Variants in ASXL3 observed in about 807,000 individuals in gnomAD.
ASXL3 encodes ASXL transcriptional regulator 3, also known as putative Polycomb group protein ASXL3.
Under a neutral mutation model 170.6 loss-of-function variants are expected in ASXL3, and 34 were observed. The ratio of observed to expected loss-of-function variants is 0.20; its 90% CI spans 0.15 to 0.27. ASXL3 has a LOEUF of 0.27. Ranked by LOEUF, ASXL3 falls within the 10% of genes least tolerant of loss-of-function variation. The pLI is 1.00. For missense variants in ASXL3, 2,592 were observed against 2,695.3 expected (o/e 0.96, Z 0.85); for synonymous variants, 1,002 against 989.1 (o/e 1.01, Z -0.24).
intron 2 of ASXL3, chr18:33,608,951 T>G (rs1281068432): frequency 4.6e-6 from 4 of 873,994 alleles, no homozygotes; most frequent in East Asian, 1.2e-4. Context: ...TATGCTCAAA[T>G]TTTCATTTTT....
intron 2 of ASXL3, among the ~76,000 whole-genome samples, chr18:33,619,066 T>C (rs934406289): frequency 3.9e-5 from 6 of 152,124 alleles, no homozygotes; most frequent in Non-Finnish European, 7.4e-5. Context: ...TAAATTACCT[T>C]GAAACAAAAG....
At chr18:33,668,920 CAAACT>C (rs968572005) in intron 5 of ASXL3, among the ~76,000 whole-genome samples, 27 of 151,934 alleles carry the variant, frequency 1.8e-4, no homozygotes, top group Non-Finnish European at 7.4e-5. Context: ...CACACACACA[CAAACT>C]ATTTTTAAAA....
At chr18:33,672,013 A>C (rs1338403495) in intron 7 of ASXL3, 147 bp downstream of exon 7, 2 of 867,474 alleles carry the variant, frequency 2.3e-6, no homozygotes, top group African/African-American at 3.4e-5. Context: ...AAGAATGCTA[A>C]ATAAGGAAAC....
chr18:33,715,995 C>G (rs955060821), intron 8 of ASXL3, among the ~76,000 whole-genome samples: 1 of 152,146 alleles, frequency 6.6e-6, no homozygotes, highest in Admixed American at 6.5e-5. Context: ...GTTTGAGTGT[C>G]AGTCATGTCA....
intron 2 of ASXL3, among the ~76,000 whole-genome samples, chr18:33,640,223 A>G (rs756353525): frequency 6.6e-6 from 1 of 151,992 alleles, no homozygotes; most frequent in Non-Finnish European, 1.5e-5. Flanking sequence ...TTTGTATTGG[A>G]ATTATTCAGC....
At chr18:33,651,713 G>T (rs568226618) in intron 4 of ASXL3, among the ~76,000 whole-genome samples, 1 of 152,112 alleles carries the variant, frequency 6.6e-6, no homozygotes, top group African/African-American at 2.4e-5. Flanking sequence ...TGAGAAGAAA[G>T]TATTTTGTAA....
chr18:33,656,355 A>T (rs1017867893), intron 4 of ASXL3, among the ~76,000 whole-genome samples: 3 of 152,096 alleles, frequency 2.0e-5, no homozygotes, highest in African/African-American at 7.2e-5. Flanking sequence ...ACTTACAGAA[A>T]TGAAATTGGT....
chr18:33,652,632 G>C (rs1490921489), intron 4 of ASXL3, among the ~76,000 whole-genome samples: 1 of 116,256 alleles, frequency 8.6e-6, no homozygotes, highest in East Asian at 3.2e-4. Context: ...TGAATCTTAT[G>C]TTTTAGACCT....
At chr18:33,712,874 G>A (rs938464898) in intron 8 of ASXL3, among the ~76,000 whole-genome samples, 6 of 152,114 alleles carry the variant, frequency 3.9e-5, no homozygotes, top group African/African-American at 1.2e-4. Flanking sequence ...CAGTGCATCC[G>A]TGGGAGTTTG....
At chr18:33,711,305 G>A (rs964611078) in intron 8 of ASXL3, among the ~76,000 whole-genome samples, 4 of 152,046 alleles carry the variant, frequency 2.6e-5, no homozygotes, top group African/African-American at 9.7e-5. Flanking sequence ...ATGCAAATTT[G>A]ATGAATATTC....
intron 8 of ASXL3, among the ~76,000 whole-genome samples, chr18:33,696,467 C>T (rs923090473): frequency 3.9e-5 from 6 of 152,024 alleles, no homozygotes; most frequent in Admixed American, 2.0e-4. Context: ...AGGGGAAGAA[C>T]GCCATCCAGA....
intron 8 of ASXL3, among the ~76,000 whole-genome samples, chr18:33,710,581 T>C (rs2067041493): frequency 6.6e-6 from 1 of 152,320 alleles, no homozygotes; most frequent in East Asian, 1.9e-4. Flanking sequence ...TCTTTTTATC[T>C]TATTAAAGAC....
chr18:33,636,051 G>C (rs1174946140), intron 2 of ASXL3, among the ~76,000 whole-genome samples: 1 of 152,140 alleles, frequency 6.6e-6, no homozygotes, highest in Non-Finnish European at 1.5e-5. Context: ...TGAGAGATAT[G>C]CAAAGTATCG....
intron 8 of ASXL3, among the ~76,000 whole-genome samples, chr18:33,729,440 G>A (rs1052417288): frequency 1.3e-5 from 2 of 152,110 alleles, no homozygotes; most frequent in Non-Finnish European, 1.5e-5. Flanking sequence ...TTGGAACTAA[G>A]TGGATTCAAC....
chr18:33,711,877 G>C (rs1385402274), intron 8 of ASXL3, among the ~76,000 whole-genome samples: 1 of 152,108 alleles, frequency 6.6e-6, no homozygotes. Flanking sequence ...GTGTCAAAAA[G>C]ATTAAAATTT....
chr18:33,634,217 G>A (rs753762400), intron 2 of ASXL3, among the ~76,000 whole-genome samples: 8 of 152,042 alleles, frequency 5.3e-5, no homozygotes, highest in Non-Finnish European at 1.2e-4. Flanking sequence ...GAGTCACATT[G>A]TGAGGAAGAA....
intron 2 of ASXL3, among the ~76,000 whole-genome samples, chr18:33,617,242 A>G (rs1432713563): frequency 6.6e-6 from 1 of 152,152 alleles, no homozygotes; most frequent in East Asian, 1.9e-4. Context: ...CTGTAATCCC[A>G]GTACTTTGGG....
chr18:33,588,336 T>C (rs185517227), intron 1 of ASXL3, among the ~76,000 whole-genome samples: 1 of 150,950 alleles, frequency 6.6e-6, no homozygotes, highest in Admixed American at 6.6e-5. Context: ...CAACTCCTCC[T>C]AATTTAAGTA....
chr18:33,662,174 A>G (rs1485171531), intron 5 of ASXL3, among the ~76,000 whole-genome samples: 1 of 152,152 alleles, frequency 6.6e-6, no homozygotes, highest in African/African-American at 2.4e-5. Context: ...TTGCTTACTT[A>G]TATCTGGAAT....
Sources: gnomAD v4.1 joint callset for allele counts (sites outside exome capture counted in the v4.1 genomes callset) on GRCh38, gnomAD v4.1.1 for gene constraint, MANE v1.5 for transcripts, NCBI Gene and HGNC (gene_info 2026-07-23, HGNC 2026-07-21) for gene names.